CD2AP: variants seen among roughly 807,000 people sequenced by gnomAD.
CD2AP encodes the protein CD2-associated protein.
A neutral mutation model predicts 85.1 loss-of-function variants in CD2AP; 46 were observed. The observed-to-expected ratio is 0.54, with a 90% CI of 0.43 to 0.69. The LOEUF (loss-of-function observed/expected upper bound fraction) is 0.69, where lower values mean the gene tolerates loss of function less well. CD2AP is among the 30% of genes least tolerant of loss of function. CD2AP has a pLI of 0.00. For synonymous variants in CD2AP, 255 were observed against 252.9 expected, an observed-to-expected ratio of 1.01 and a Z score of -0.08; for missense variants, 769 against 729.5, an observed-to-expected ratio of 1.05 and a Z score of -0.62.
At chr6:47,593,830 G>A (rs190368756) in intron 11 of CD2AP, among the ~76,000 whole-genome samples, 46 of 152,152 alleles carry the variant, frequency 3.0e-4, no homozygotes, top group Non-Finnish European at 5.7e-4. Flanking sequence ...ACAGACTCTC[G>A]TGTATTGTAT....
At chr6:47,617,251 C>G (rs1769618044) in intron 17 of CD2AP, among the ~76,000 whole-genome samples, 1 of 152,168 alleles carries the variant, frequency 6.6e-6, no homozygotes, top group African/African-American at 2.4e-5. Flanking sequence ...AGGTATGAGC[C>G]ACCATGCCTG....
chr6:47,605,097 A>C (rs1448826726), intron 13 of CD2AP, among the ~76,000 whole-genome samples: 1 of 152,062 alleles, frequency 6.6e-6, no homozygotes, highest in African/African-American at 2.4e-5. Flanking sequence ...GAGTTAGAAC[A>C]TATAAATATC....
intron 2 of CD2AP, among the ~76,000 whole-genome samples, chr6:47,511,655 T>G (rs1766315986): frequency 6.6e-6 from 1 of 152,176 alleles, no homozygotes; most frequent in Non-Finnish European, 1.5e-5. Context: ...AAGCAAAATT[T>G]TATTTAAAAA....
chr6:47,530,616 CA>C (rs1237575605), intron 2 of CD2AP, among the ~76,000 whole-genome samples: 1 of 152,112 alleles, frequency 6.6e-6, no homozygotes, highest in African/African-American at 2.4e-5. Flanking sequence ...ATATTTATTA[CA>C]CTGAATTTTA....
intron 13 of CD2AP, among the ~76,000 whole-genome samples, chr6:47,602,214 C>T (rs1769160264): frequency 6.6e-6 from 1 of 151,788 alleles, no homozygotes; most frequent in South Asian, 2.1e-4. Context: ...ATATACAGAA[C>T]ACTCAGATTT....
intron 11 of CD2AP, among the ~76,000 whole-genome samples, chr6:47,593,130 G>T (rs1028772007): frequency 2.6e-5 from 4 of 152,122 alleles, no homozygotes; most frequent in African/African-American, 9.7e-5. Flanking sequence ...ATTGGTTGTT[G>T]TGGGAATAAA....
chr6:47,594,779 A>G (rs867246311), intron 11 of CD2AP, among the ~76,000 whole-genome samples: 3 of 152,048 alleles, frequency 2.0e-5, no homozygotes, highest in Middle Eastern at 3.2e-3. Context: ...CATATGATTC[A>G]AAGTATTAAA....
chr6:47,587,383 G>A (rs1188341891), intron 11 of CD2AP, among the ~76,000 whole-genome samples: 3 of 151,916 alleles, frequency 2.0e-5, no homozygotes, highest in African/African-American at 4.8e-5. Flanking sequence ...GTGATTCCCC[G>A]TTATTTCATG....
At chr6:47,542,394 G>A (rs543009861) in intron 3 of CD2AP, among the ~76,000 whole-genome samples, 3 of 152,196 alleles carry the variant, frequency 2.0e-5, no homozygotes, top group Non-Finnish European at 4.4e-5. Flanking sequence ...ATATGTAGCA[G>A]ATACTGCTGT....
chr6:47,566,323 T>TATATATATATAC, intron 5 of CD2AP, among the ~76,000 whole-genome samples: 1 of 108,388 alleles, frequency 9.2e-6, no homozygotes, highest in African/African-American at 2.9e-5. Context: ...TATATATATA[T>TATATATATATAC]ACACATACAC....
intron 5 of CD2AP, among the ~76,000 whole-genome samples, chr6:47,557,921 T>G (rs944031170): frequency 2.0e-5 from 3 of 152,214 alleles, no homozygotes; most frequent in Non-Finnish European, 4.4e-5. Flanking sequence ...TTGGGCAGTA[T>G]GGCCATTTTC....
intron 5 of CD2AP, among the ~76,000 whole-genome samples, chr6:47,560,551 ATTTG>A (rs997801411): frequency 5.9e-5 from 9 of 151,752 alleles, no homozygotes; most frequent in Admixed American, 4.6e-4. Context: ...GAATGGCCCC[ATTTG>A]TTTGTTTGTT....
chr6:47,604,672 G>A (rs1769223971), intron 13 of CD2AP, among the ~76,000 whole-genome samples: 1 of 151,724 alleles, frequency 6.6e-6, no homozygotes, highest in South Asian at 2.1e-4. Context: ...AATACTGATT[G>A]CTTTCTTTGT....
intron 2 of CD2AP, among the ~76,000 whole-genome samples, chr6:47,511,234 C>G (rs1317841101): frequency 6.6e-6 from 1 of 152,112 alleles, no homozygotes; most frequent in African/African-American, 2.4e-5. Context: ...TTCCCTTCAC[C>G]TTTGTGGTAT....
chr6:47,517,948 A>G (rs1412134809), intron 2 of CD2AP, among the ~76,000 whole-genome samples: 1 of 152,230 alleles, frequency 6.6e-6, no homozygotes, highest in Non-Finnish European at 1.5e-5. Context: ...TGTGATCAGC[A>G]TTTTACATAA....
intron 11 of CD2AP, among the ~76,000 whole-genome samples, chr6:47,590,598 T>C (rs921549261): frequency 6.6e-6 from 1 of 152,152 alleles, no homozygotes; most frequent in African/African-American, 2.4e-5. Context: ...GAGCCAACTT[T>C]TGTGCAGGCA....
chr6:47,478,055 G>A lies in CD2AP; in HGVS notation c.-190G>A. On this transcript the variant is annotated 5_prime_UTR_variant, in exon 1 of 18. Transcript: ENST00000359314. ...TCGCCGCCTTTGCCTCTGCCTCGAG[G>A]GCCGCGCTGAAGAGACTGGTAGGAG... 4 of 714,462 alleles carry A rather than the reference G, an allele frequency of 5.6e-6. No individual in the cohort carries two copies. The highest frequency in any genetic ancestry group is 7.0e-6 in the Non-Finnish European group (3 of 427,432). 44.3% of individuals were successfully genotyped at this position (714,462 alleles called of 1,614,324 possible).
chr6:47,620,071 C>A (rs1044746530), intron 17 of CD2AP, among the ~76,000 whole-genome samples: 1 of 152,094 alleles, frequency 6.6e-6, no homozygotes, highest in Non-Finnish European at 1.5e-5. Flanking sequence ...TTAATTAGGT[C>A]TCAGCTATTT....
Position 47,576,739 on chromosome 6 carries a change from A to G in CD2AP, c.808+137A>G, listed in dbSNP as rs1052071098. The G allele has an allele frequency of 4.2e-6, 3 of 721,338 alleles. No individual in the cohort carries two copies. In the Admixed American group the frequency reaches 6.8e-5, roughly 16 times the overall value. The allele number at this position is 721,338 out of a possible 1,614,324, so 44.7% of individuals were successfully genotyped here. Reference sequence around the variant, plus strand: ...ATTAGATGTAAGCACCATGAGGTCAAGGATTTTGATATACTTTGTTGGTTG... The same window carrying G: ...ATTAGATGTAAGCACCATGAGGTCAGGGATTTTGATATACTTTGTTGGTTG... On this transcript the variant is annotated intron_variant, in intron 7 of 17. Transcript: ENST00000359314.
Sources: gnomAD v4.1 joint callset for allele counts (sites outside exome capture counted in the v4.1 genomes callset) on GRCh38, gnomAD v4.1.1 for gene constraint, MANE v1.5 for transcripts, NCBI Gene and HGNC (gene_info 2026-07-23, HGNC 2026-07-21) for gene names.